The following PTPRD variants were observed in gnomAD, a reference collection of about 807,000 sequenced individuals.
PTPRD encodes receptor-type tyrosine-protein phosphatase delta.
Under a neutral mutation model 214.5 loss-of-function variants are expected in PTPRD, and 34 were observed. The observed-to-expected ratio is 0.16, with a 90% CI of 0.12 to 0.21. PTPRD has a LOEUF of 0.21. PTPRD is among the 10% of genes least tolerant of loss of function. The pLI is 1.00. For synonymous variants in PTPRD, 1,128 were observed against 845.7 expected (o/e 1.33, Z -5.79); for missense variants, 2,545 against 2,398.7 (o/e 1.06, Z -1.27).
At chr9:8,709,239 G>A (rs1015034431) in intron 12 of PTPRD, among the ~76,000 whole-genome samples, 1 of 152,114 alleles carries the variant, frequency 6.6e-6, no homozygotes, top group East Asian at 1.9e-4. Flanking sequence ...CAGAGGCCAG[G>A]CGCAGTGGCT....
At chr9:9,643,916 G>A (rs1018862852) in intron 7 of PTPRD, among the ~76,000 whole-genome samples, 1 of 152,106 alleles carries the variant, frequency 6.6e-6, no homozygotes, top group Non-Finnish European at 1.5e-5. Context: ...AATTATGTCA[G>A]TTATACTCAT....
chr9:9,953,812 G>A (rs1030125298), intron 4 of PTPRD, among the ~76,000 whole-genome samples: 55 of 152,068 alleles, frequency 3.6e-4, no homozygotes, highest in African/African-American at 1.2e-3. Flanking sequence ...CACTCTTCCC[G>A]CCATAGGGTT....
At chr9:9,424,455 A>T (rs555631559) in intron 8 of PTPRD, among the ~76,000 whole-genome samples, 1 of 152,164 alleles carries the variant, frequency 6.6e-6, no homozygotes, top group Admixed American at 6.5e-5. Context: ...TAGAAATTCC[A>T]TAGTTCACTG....
At chr9:8,559,698 G>A (rs2085396162) in intron 14 of PTPRD, among the ~76,000 whole-genome samples, 1 of 152,200 alleles carries the variant, frequency 6.6e-6, no homozygotes, top group African/African-American at 2.4e-5. Flanking sequence ...AAGTGGGGCT[G>A]CAAAAGAATC....
intron 5 of PTPRD, among the ~76,000 whole-genome samples, chr9:9,817,030 A>G (rs1245415854): frequency 6.6e-6 from 1 of 152,102 alleles, no homozygotes; most frequent in Non-Finnish European, 1.5e-5. Context: ...GAAGCTGTAA[A>G]TAAGTAAATT....
chr9:8,365,303 T>C (rs1024351472), intron 39 of PTPRD, among the ~76,000 whole-genome samples: 9 of 152,144 alleles, frequency 5.9e-5, no homozygotes, highest in African/African-American at 2.2e-4. Flanking sequence ...CAGGAAGATG[T>C]AAAGAAAATA....
intron 11 of PTPRD, among the ~76,000 whole-genome samples, chr9:8,895,552 A>T (rs2098602248): frequency 6.6e-6 from 1 of 152,208 alleles, no homozygotes; most frequent in Non-Finnish European, 1.5e-5. Flanking sequence ...CTCACTATGA[A>T]TAAATAAAAT....
At chr9:8,944,194 C>A (rs2099050474) in intron 11 of PTPRD, among the ~76,000 whole-genome samples, 1 of 152,040 alleles carries the variant, frequency 6.6e-6, no homozygotes, top group Non-Finnish European at 1.5e-5. Context: ...ATCAACACTA[C>A]AATGAGATAT....
intron 7 of PTPRD, among the ~76,000 whole-genome samples, chr9:9,655,010 T>A (rs1248736054): frequency 6.6e-6 from 1 of 151,614 alleles, no homozygotes; most frequent in Admixed American, 6.6e-5. Flanking sequence ...TATATAGATA[T>A]AGATATATAG....
At chr9:9,278,264 A>G (rs988579779) in intron 9 of PTPRD, among the ~76,000 whole-genome samples, 5 of 151,272 alleles carry the variant, frequency 3.3e-5, no homozygotes, top group African/African-American at 4.8e-5. Flanking sequence ...ATTCCTTTTA[A>G]TAGACTGGCA....
At chr9:8,996,886 AT>A (rs2099399034) in intron 11 of PTPRD, among the ~76,000 whole-genome samples, 1 of 151,928 alleles carries the variant, frequency 6.6e-6, no homozygotes, top group African/African-American at 2.4e-5. Context: ...GGGTGATGGA[AT>A]TTTTCTATAT....
intron 3 of PTPRD, among the ~76,000 whole-genome samples, chr9:10,275,143 A>G (rs938558277): frequency 6.6e-6 from 1 of 152,166 alleles, no homozygotes; most frequent in Non-Finnish European, 1.5e-5. Flanking sequence ...ACTGTATTAC[A>G]GTGATTATAG....
chr9:9,855,367 G>T (rs923791151), intron 5 of PTPRD, among the ~76,000 whole-genome samples: 1 of 152,146 alleles, frequency 6.6e-6, no homozygotes, highest in African/African-American at 2.4e-5. Context: ...AAACAAAGGG[G>T]AGGAGCTCCT....
intron 7 of PTPRD, among the ~76,000 whole-genome samples, chr9:9,649,178 A>G (rs2096271634): frequency 6.6e-6 from 1 of 152,144 alleles, no homozygotes; most frequent in Non-Finnish European, 1.5e-5. Flanking sequence ...ATTTTCTAGG[A>G]GGCTCCTCAT....
At chr9:10,011,347 G>C (rs1336744899) in intron 4 of PTPRD, among the ~76,000 whole-genome samples, 1 of 151,876 alleles carries the variant, frequency 6.6e-6, no homozygotes, top group Non-Finnish European at 1.5e-5. Context: ...TGGTAGTTAA[G>C]TCACTACATA....
At chr9:9,490,988 CT>C (rs2095870073) in intron 8 of PTPRD, among the ~76,000 whole-genome samples, 2 of 151,498 alleles carry the variant, frequency 1.3e-5, no homozygotes, top group Admixed American at 6.6e-5. Flanking sequence ...TGAACATTGT[CT>C]AAAAGTTAGA....
intron 35 of PTPRD, among the ~76,000 whole-genome samples, chr9:8,424,727 A>G (rs577117023): frequency 2.2e-4 from 34 of 152,324 alleles, no homozygotes; most frequent in African/African-American, 7.5e-4. Flanking sequence ...GAATAAAAGA[A>G]TGAGTGAAGG....
intron 6 of PTPRD, among the ~76,000 whole-genome samples, chr9:9,735,182 G>T (rs1369820415): frequency 2.0e-5 from 3 of 152,208 alleles, no homozygotes; most frequent in African/African-American, 7.2e-5. Context: ...CCCAAGAGGA[G>T]ACCCAGCACC....
At chr9:8,828,675 A>C (rs1443536398) in intron 11 of PTPRD, among the ~76,000 whole-genome samples, 4 of 152,208 alleles carry the variant, frequency 2.6e-5, no homozygotes, top group African/African-American at 9.6e-5. Context: ...CTAGTTATCA[A>C]AAAGTGAGAA....
Sources: gnomAD v4.1 joint callset for allele counts (sites outside exome capture counted in the v4.1 genomes callset) on GRCh38, gnomAD v4.1.1 for gene constraint, MANE v1.5 for transcripts, NCBI Gene and HGNC (gene_info 2026-07-23, HGNC 2026-07-21) for gene names.